PLCB4: variants seen among roughly 807,000 people sequenced by gnomAD.
PLCB4 encodes the protein 1-phosphatidylinositol 4,5-bisphosphate phosphodiesterase beta-4.
PLCB4 carries 77 observed loss-of-function variants against 178.8 expected under a neutral mutation model. The ratio of observed to expected loss-of-function variants is 0.43; its 90% CI spans 0.36 to 0.52. The LOEUF (loss-of-function observed/expected upper bound fraction) is 0.52. Among genes scored for constraint, PLCB4 ranks in the 20% least tolerant of loss-of-function variants. The pLI is 0.00. For missense variants in PLCB4, 1,024 were observed against 1,453.4 expected (o/e 0.70, Z 4.80); for synonymous variants, 496 against 490.8 (o/e 1.01, Z -0.14).
chr20:9,271,834 G>C (rs1031039182), intron 3 of PLCB4, among the ~76,000 whole-genome samples: 1 of 151,922 alleles, frequency 6.6e-6, no homozygotes, highest in Non-Finnish European at 1.5e-5. Context: ...GGGCTTTTAG[G>C]GTTGTGCTTT....
chr20:9,380,025 A>G (rs1459489565), intron 12 of PLCB4, 29 bp from the exon 13 acceptor site: 3 of 1,190,250 alleles, frequency 2.5e-6, no homozygotes, highest in East Asian at 2.3e-5. Flanking sequence ...AGAAATATCA[A>G]CCTAAATGGA....
chr20:9,162,447 A>G (rs751328076), intron 2 of PLCB4, among the ~76,000 whole-genome samples: 13 of 152,176 alleles, frequency 8.5e-5, no homozygotes, highest in Non-Finnish European at 1.3e-4. Flanking sequence ...GTGAATTAAT[A>G]TGTTGGTGCT....
chr20:9,297,535 A>T (rs879484773), intron 3 of PLCB4, among the ~76,000 whole-genome samples: 1 of 152,130 alleles, frequency 6.6e-6, no homozygotes, highest in Non-Finnish European at 1.5e-5. Flanking sequence ...AAAGATTAAT[A>T]TACAAACTAT....
chr20:9,476,570 G>A, intron 38 of PLCB4, 147 bp from the exon 39 acceptor site: 1 of 555,728 alleles, frequency 1.8e-6, no homozygotes, highest in Non-Finnish European at 3.2e-6. Context: ...GTTTGTCACT[G>A]AGGGGTGTGT....
rs145071397 is a variant in PLCB4 at position 9,435,543 on chromosome 20, G to GT, written c.2525-8dup. The stretch of plus-strand genomic sequence containing the variant: ...AAACAGAGAATTAACGGCTCATTGG[G>GT]TTTTTTTTTCCCCTAGATATCGTGG... On this transcript the variant is annotated splice_polypyrimidine_tract_variant and intron_variant, in intron 28 of 39. Coordinates refer to ENST00000378473, the MANE Select transcript of PLCB4 (RefSeq NM_001377142.1). 1.8e-3 allele frequency: 2,599 copies of GT among 1,422,810 alleles called. No homozygotes were observed. Among genetic ancestry groups the GT allele is most frequent in the Non-Finnish European group, 2.2e-3 (2,208 of 1,016,976 alleles). 88.1% of individuals were successfully genotyped at this position (1,422,810 alleles called of 1,614,324 possible).
intron 2 of PLCB4, among the ~76,000 whole-genome samples, chr20:9,112,884 C>CTTTT (rs10667431): frequency 0.022 from 3,324 of 151,738 alleles, 111 homozygotes; most frequent in African/African-American, 0.074. Flanking sequence ...TCCTCTTGCC[C>CTTTT]TTTTTAAAAA....
chr20:9,231,513 C>G (rs980937051), intron 3 of PLCB4, among the ~76,000 whole-genome samples: 1 of 152,128 alleles, frequency 6.6e-6, no homozygotes, highest in Non-Finnish European at 1.5e-5. Context: ...GCCCCCCCAT[C>G]TAATTAGTTC....
chr20:9,106,177 CAT>C (rs2091354738), intron 2 of PLCB4, among the ~76,000 whole-genome samples: 1 of 151,810 alleles, frequency 6.6e-6, no homozygotes, highest in African/African-American at 2.4e-5. Flanking sequence ...GGCCGTCAAA[CAT>C]ATAAAAAGAT....
intron 4 of PLCB4, among the ~76,000 whole-genome samples, chr20:9,327,587 T>C (rs990019058): frequency 6.6e-6 from 1 of 151,750 alleles, no homozygotes. Context: ...CCATCCTGGC[T>C]AACACAGACA....
chr20:9,409,827 G>T (rs1403589134), intron 24 of PLCB4, among the ~76,000 whole-genome samples: 2 of 151,970 alleles, frequency 1.3e-5, no homozygotes, highest in African/African-American at 4.8e-5. Flanking sequence ...AAATTTTTGA[G>T]GTTTGCTTAA....
chr20:9,323,570 T>C (rs2029868790), intron 4 of PLCB4, among the ~76,000 whole-genome samples: 2 of 152,324 alleles, frequency 1.3e-5, no homozygotes, highest in Middle Eastern at 3.4e-3. Context: ...TTAAGGAATT[T>C]TAAAGCCCCA....
chr20:9,080,921 C>G (rs2090113170), intron 1 of PLCB4, among the ~76,000 whole-genome samples: 1 of 152,220 alleles, frequency 6.6e-6, no homozygotes, highest in South Asian at 2.1e-4. Flanking sequence ...AGCTATCCAT[C>G]TGTTGAGTCT....
intron 35 of PLCB4, among the ~76,000 whole-genome samples, chr20:9,462,378 C>G (rs2122497253): frequency 6.6e-6 from 1 of 152,288 alleles, no homozygotes; most frequent in African/African-American, 2.4e-5. Context: ...ATCGCAGCTC[C>G]TTGCCAGCAA....
intron 2 of PLCB4, among the ~76,000 whole-genome samples, chr20:9,193,600 T>G (rs945828326): frequency 6.6e-6 from 1 of 152,146 alleles, no homozygotes; most frequent in Non-Finnish European, 1.5e-5. Context: ...GGGCCACCAT[T>G]TTGAATAGAT....
chr20:9,359,017 A>G (rs535947938), intron 7 of PLCB4, among the ~76,000 whole-genome samples: 2 of 152,316 alleles, frequency 1.3e-5, no homozygotes, highest in Non-Finnish European at 2.9e-5. Context: ...TTTGCTTTAC[A>G]CTTTCCTATG....
intron 2 of PLCB4, among the ~76,000 whole-genome samples, chr20:9,177,052 G>C (rs78799685): frequency 3.3e-5 from 5 of 152,102 alleles, no homozygotes; most frequent in Non-Finnish European, 5.9e-5. Flanking sequence ...TTTTCAAGGA[G>C]GGGTGGTTGG....
rs571103527 is a variant in PLCB4, at chr20:9,260,885, C to T, written c.-16+43433C>T. Among the ~76,000 whole-genome samples the T allele has an allele frequency of 7.5e-4, 114 of 152,184 alleles. 2 individuals are homozygous for T. The highest frequency in any genetic ancestry group is 2.6e-3 in the African/African-American group (110 of 41,546). ...CCCCGGAGACTATCTTAGAACAGAA[C>T]ACATTGCCTTAGAAGGTAAGAAGCA... On this transcript the variant is annotated intron_variant, in intron 3 of 39. Coordinates refer to ENST00000378473, the MANE Select transcript of PLCB4 (RefSeq NM_001377142.1).
At chr20:9,229,626 T>A (rs926820960) in intron 3 of PLCB4, among the ~76,000 whole-genome samples, 4 of 151,984 alleles carry the variant, frequency 2.6e-5, no homozygotes, top group African/African-American at 4.8e-5. Context: ...ATTTTTTTTT[T>A]ATTTGGTACC....
intron 4 of PLCB4, among the ~76,000 whole-genome samples, chr20:9,321,295 A>T (rs763398503): frequency 6.6e-6 from 1 of 152,186 alleles, no homozygotes; most frequent in Non-Finnish European, 1.5e-5. Flanking sequence ...AGCGTCCAGA[A>T]CTAATGTATT....
Sources: gnomAD v4.1 joint callset for allele counts (sites outside exome capture counted in the v4.1 genomes callset) on GRCh38, gnomAD v4.1.1 for gene constraint, MANE v1.5 for transcripts, NCBI Gene and HGNC (gene_info 2026-07-23, HGNC 2026-07-21) for gene names.